The following ZDHHC20 variants were observed in gnomAD, a reference collection of about 807,000 sequenced individuals.
ZDHHC20 encodes the protein palmitoyltransferase ZDHHC20.
In ZDHHC20, 43 loss-of-function variants were observed where a neutral mutation model predicts 57.8. That is an observed-to-expected ratio of 0.74 (90% CI 0.58 to 0.96). The LOEUF is 0.96. Among genes scored for constraint, ZDHHC20 ranks in the 40% least tolerant of loss-of-function variants. ZDHHC20 has a pLI of 0.00. For missense variants in ZDHHC20, 391 were observed against 441.1 expected (o/e 0.89, Z 1.02); for synonymous variants, 157 against 153.0 (o/e 1.03, Z -0.19).
intron 1 of ZDHHC20, 106 bp downstream of exon 1, chr13:21,458,948 C>G: frequency 1.2e-6 from 1 of 800,906 alleles, no homozygotes; most frequent in South Asian, 2.5e-5. Context: ...GGACGCCCGG[C>G]GTCCGGCGCT....
chr13:21,409,192 C>T (rs1878867554), intron 4 of ZDHHC20, among the ~76,000 whole-genome samples: 1 of 152,192 alleles, frequency 6.6e-6, no homozygotes, highest in Non-Finnish European at 1.5e-5. Context: ...GGTACCACCT[C>T]CTCTTTGTAC....
chr13:21,442,039 C>A (rs910235530), intron 1 of ZDHHC20, among the ~76,000 whole-genome samples: 1 of 152,074 alleles, frequency 6.6e-6, no homozygotes, highest in Non-Finnish European at 1.5e-5. Flanking sequence ...ATTTTGTTTA[C>A]GTTAGGTATC....
At chr13:21,390,481 C>T (rs113293480) in intron 8 of ZDHHC20, among the ~76,000 whole-genome samples, 3,243 of 152,214 alleles carry the variant, frequency 0.021, 54 homozygotes, top group Non-Finnish European at 0.031. Flanking sequence ...TGACACAATA[C>T]GTAAGTCTCA....
intron 10 of ZDHHC20, among the ~76,000 whole-genome samples, chr13:21,382,401 G>A (rs930916153): frequency 1.3e-5 from 2 of 152,040 alleles, no homozygotes; most frequent in Non-Finnish European, 2.9e-5. Context: ...TCATTTAAAA[G>A]GAACTATTAC....
At chr13:21,393,291 T>C (rs1270747569) in intron 7 of ZDHHC20, among the ~76,000 whole-genome samples, 3 of 151,748 alleles carry the variant, frequency 2.0e-5, no homozygotes, top group African/African-American at 4.8e-5. Flanking sequence ...TCACTTGAGG[T>C]TGAGTTTGAG....
At chr13:21,407,810 G>A (rs910146333) in intron 4 of ZDHHC20, among the ~76,000 whole-genome samples, 15 of 152,212 alleles carry the variant, frequency 9.9e-5, no homozygotes, top group Admixed American at 6.5e-4. Flanking sequence ...GTGTAAGGAA[G>A]AGATCCAGTT....
At chr13:21,393,783 C>T (rs1180240701) in intron 7 of ZDHHC20, among the ~76,000 whole-genome samples, 1 of 143,966 alleles carries the variant, frequency 6.9e-6, no homozygotes, top group Non-Finnish European at 1.5e-5. Context: ...AACTCCTGGT[C>T]TTAAGTGATC....
intron 8 of ZDHHC20, among the ~76,000 whole-genome samples, chr13:21,390,590 T>C (rs1875512872): frequency 6.6e-6 from 1 of 151,822 alleles, no homozygotes; most frequent in Non-Finnish European, 1.5e-5. Flanking sequence ...TGTTTAACTG[T>C]GGGGGAAAAA....
At chr13:21,423,054 G>A (rs1230058001) in intron 2 of ZDHHC20, among the ~76,000 whole-genome samples, 1 of 152,122 alleles carries the variant, frequency 6.6e-6, no homozygotes, top group African/African-American at 2.4e-5. Flanking sequence ...TTTGCCCAAC[G>A]TCACTTAGTT....
intron 4 of ZDHHC20, among the ~76,000 whole-genome samples, chr13:21,413,037 A>T (rs957166807): frequency 1.3e-5 from 2 of 152,072 alleles, no homozygotes; most frequent in East Asian, 3.8e-4. Flanking sequence ...TAAACAAAAT[A>T]AAACAATTCC....
chr13:21,438,067 A>G (rs183394108), intron 1 of ZDHHC20, among the ~76,000 whole-genome samples: 1 of 152,324 alleles, frequency 6.6e-6, no homozygotes, highest in Admixed American at 6.5e-5. Flanking sequence ...ATTACTGCTC[A>G]TTGAAAATGC....
chr13:21,437,196 A>C (rs1395143916), intron 1 of ZDHHC20, among the ~76,000 whole-genome samples: 1 of 152,238 alleles, frequency 6.6e-6, no homozygotes, highest in Non-Finnish European at 1.5e-5. Context: ...AAAAGTCTTA[A>C]GCTAGCAGAA....
intron 8 of ZDHHC20, among the ~76,000 whole-genome samples, chr13:21,390,527 T>A (rs933611908): frequency 6.6e-6 from 1 of 152,148 alleles, no homozygotes; most frequent in African/African-American, 2.4e-5. Flanking sequence ...TAATGAGGCA[T>A]GTCAAAAGCA....
intron 2 of ZDHHC20, among the ~76,000 whole-genome samples, chr13:21,424,951 C>T (rs1471566872): frequency 6.6e-6 from 1 of 152,032 alleles, no homozygotes; most frequent in Non-Finnish European, 1.5e-5. Context: ...TACTTAATGC[C>T]TAATTGTCTC....
intron 3 of ZDHHC20, among the ~76,000 whole-genome samples, chr13:21,418,068 T>G (rs937429442): frequency 6.6e-6 from 1 of 151,602 alleles, no homozygotes; most frequent in Non-Finnish European, 1.5e-5. Context: ...TTAATTAATT[T>G]AATAGTTACT....
chr13:21,450,864 C>T (rs1218763092), intron 1 of ZDHHC20, among the ~76,000 whole-genome samples: 1 of 151,786 alleles, frequency 6.6e-6, no homozygotes, highest in Non-Finnish European at 1.5e-5. Flanking sequence ...AAGTAATCCT[C>T]CTGCTTCAGC....
intron 7 of ZDHHC20, among the ~76,000 whole-genome samples, chr13:21,395,304 G>A (rs952003497): frequency 3.3e-5 from 5 of 151,824 alleles, no homozygotes; most frequent in Admixed American, 6.6e-5. Flanking sequence ...CTGACCTCGT[G>A]ATCCACCTGC....
chr13:21,388,684 CA>C (rs1875063022), intron 8 of ZDHHC20, among the ~76,000 whole-genome samples: 2 of 152,290 alleles, frequency 1.3e-5, no homozygotes, highest in East Asian at 3.9e-4. Context: ...ACATTACTGC[CA>C]AACAGAGCTA....
chr13:21,431,329 T>A lies in ZDHHC20; in HGVS notation c.119-5651A>T, dbSNP rs9578381. Among the ~76,000 whole-genome samples, 848 of 152,272 alleles carry A rather than the reference T, an allele frequency of 5.6e-3. 8 individuals are homozygous for A. Among genetic ancestry groups the A allele is most frequent in the African/African-American group, 0.019 (800 of 41,552 alleles). On this transcript the variant is annotated intron_variant, in intron 1 of 12. Coordinates refer to ENST00000400590, the MANE Select transcript of ZDHHC20 (RefSeq NM_001330059.2). ...ACCATCAGATCTCTCTTGAGACTCATTCACTACCACGAGAACAGTATGGGG... is the reference window on the plus strand; with the variant it reads ...ACCATCAGATCTCTCTTGAGACTCAATCACTACCACGAGAACAGTATGGGG...
Sources: gnomAD v4.1 joint callset for allele counts (sites outside exome capture counted in the v4.1 genomes callset) on GRCh38, gnomAD v4.1.1 for gene constraint, MANE v1.5 for transcripts, NCBI Gene and HGNC (gene_info 2026-07-23, HGNC 2026-07-21) for gene names.